Variants in UNK observed in about 807,000 individuals in gnomAD.
The protein encoded by UNK is unk zinc finger.
A neutral mutation model predicts 97.6 loss-of-function variants in UNK; 32 were observed. The observed-to-expected ratio is 0.33, with a 90% CI of 0.25 to 0.44. UNK has a LOEUF of 0.44. UNK is among the 20% of genes least tolerant of loss of function. The pLI, the probability that UNK is intolerant of heterozygous loss-of-function variation, is 1.00. For synonymous variants in UNK, 441 were observed against 461.2 expected, an observed-to-expected ratio of 0.96 and a Z score of 0.56; for missense variants, 771 against 1,098.4, an observed-to-expected ratio of 0.70 and a Z score of 4.21.
chr17:75,793,176 C>T (rs1459014997), intron 1 of UNK, among the ~76,000 whole-genome samples: 4 of 152,128 alleles, frequency 2.6e-5, no homozygotes. Context: ...TTAGCAATGC[C>T]TTCATAAGAT....
chr17:75,819,818 G>A lies in UNK; in HGVS notation c.1648+33G>A, dbSNP rs772075950. On this transcript the variant is annotated intron_variant, in intron 12 of 15. Coordinates refer to ENST00000589666, the MANE Select transcript of UNK (RefSeq NM_001080419.3). The surrounding 1 kb of genome is among the most constrained non-coding windows in gnomAD (Gnocchi z 5.4). ...GTGTGGGTGGGCAGGGCAGCCTGGA[G>A]GACTCCTCGGGTTCCTGCCTGGCTC... 1.6e-5 allele frequency: 25 copies of A among 1,612,528 alleles called. No homozygotes were observed. Among genetic ancestry groups the A allele is most frequent in the Non-Finnish European group, 2.1e-5 (25 of 1,179,246 alleles).
chr17:75,787,947 C>G (rs1194469170), intron 1 of UNK, among the ~76,000 whole-genome samples: 1 of 152,050 alleles, frequency 6.6e-6, no homozygotes, highest in Non-Finnish European at 1.5e-5. Context: ...ACCACCATAC[C>G]TGCTTCCCTC....
Position 75,801,923 on chromosome 17 carries a change from T to C in UNK, c.105-7837T>C, listed in dbSNP as rs776669503. ...GGAGTACAGTGGTGCGCTCAGCTCA[T>C]TGCAACCTCAACTTCCCTGGTTCAA... On this transcript the variant is annotated intron_variant, in intron 1 of 15. Transcript: ENST00000589666. Among the ~76,000 whole-genome samples, 10 of 150,888 alleles carry C rather than the reference T, an allele frequency of 6.6e-5. No homozygotes were observed. In the Middle Eastern group the frequency reaches 0.01, roughly 155 times the overall value.
At position 75,790,922 on chromosome 17, in the gene UNK, A is replaced by G. The variant is rs190152255; in HGVS notation, c.104+5938A>G. 3.1e-3 allele frequency among the ~76,000 whole-genome samples: 469 copies of G among 152,296 alleles called. 3 individuals are homozygous for G. The highest frequency in any genetic ancestry group is 0.011 in the African/African-American group (449 of 41,558). ...ACTACTACACTCCAGCCTGGGCAAC[A>G]GAGCGAGACTCTGGCTTGAAAAAAA... is the stretch of plus-strand genomic sequence containing the variant. On this transcript the variant is annotated intron_variant, in intron 1 of 15. Transcript: ENST00000589666.
Position 75,820,119 on chromosome 17 carries a change from G to C in UNK, c.1837+11G>C, listed in dbSNP as rs2143820821. The C allele has an allele frequency of 1.2e-6, 2 of 1,601,718 alleles. No homozygotes were observed. Among genetic ancestry groups the C allele is most frequent in the East Asian group, 2.2e-5 (1 of 44,744 alleles). Reference sequence around the variant, plus strand: ...CACATGGATCTTTGGGTAAGAGAGGGAGTGGTTCACTCAGGAGAACTGGGG... The same window carrying C: ...CACATGGATCTTTGGGTAAGAGAGGCAGTGGTTCACTCAGGAGAACTGGGG... On this transcript the variant is annotated intron_variant, in intron 13 of 15. Coordinates refer to ENST00000589666, the MANE Select transcript of UNK (RefSeq NM_001080419.3).
intron 1 of UNK, among the ~76,000 whole-genome samples, chr17:75,799,349 A>G (rs564175908): frequency 6.6e-6 from 1 of 152,306 alleles, no homozygotes; most frequent in Non-Finnish European, 1.5e-5. Context: ...CCCAGCACCA[A>G]TGACAAAAGA....
rs1388770261 is a variant in UNK at position 75,792,206 on chromosome 17, G to T, written c.104+7222G>T. ...TGACAGTAAGGTTGCATTTAAAGCT[G>T]CATTACATTAAATAGTGGACTGGTC... On this transcript the variant is annotated intron_variant, in intron 1 of 15. Transcript: ENST00000589666. 3.4e-6 allele frequency: 3 copies of T among 883,272 alleles called. No individual in the cohort carries two copies. In the South Asian group the frequency reaches 1.6e-4, roughly 46 times the overall value. 54.7% of individuals were successfully genotyped at this position (883,272 alleles called of 1,614,324 possible).
chr17:75,785,294 A>C, intron 1 of UNK: 3 of 290,382 alleles, frequency 1.0e-5, no homozygotes, highest in Non-Finnish European at 1.9e-5. Flanking sequence ...CCATAAAACC[A>C]CAGTAGTAGG....
At chr17:75,795,409 C>T (rs887493129) in intron 1 of UNK, among the ~76,000 whole-genome samples, 3 of 151,794 alleles carry the variant, frequency 2.0e-5, no homozygotes, top group Non-Finnish European at 4.4e-5. Context: ...GTGTGATCTC[C>T]GCTCACTGCA....
At chr17:75,823,548 G>C in intron 15 of UNK, 26 bp downstream of exon 15, 1 of 1,515,112 alleles carries the variant, frequency 6.6e-7, no homozygotes. Context: ...GGAGCACTGG[G>C]TGGGATGCAC....
intron 1 of UNK, 38 bp downstream of exon 1, chr17:75,785,022 C>G: frequency 1.4e-6 from 2 of 1,387,904 alleles, no homozygotes; most frequent in Non-Finnish European, 1.9e-6. Flanking sequence ...CGCGCGCACG[C>G]CTGACGTCAG....
rs953872589 is a variant in UNK, at chr17:75,793,689, A to G, written c.104+8705A>G. ...ATTCTTTATTCACAGTTTGCTTTTC[A>G]TGTGCATAAGTTGACTCATTTGTTT... On this transcript the variant is annotated intron_variant, in intron 1 of 15. Coordinates refer to ENST00000589666, the MANE Select transcript of UNK (RefSeq NM_001080419.3). The G allele has an allele frequency of 7.1e-6, 7 of 985,202 alleles. No homozygotes were observed. In the Admixed American group the frequency reaches 2.5e-4, roughly 35 times the overall value. The allele number at this position is 985,202 out of a possible 1,614,324, so 61.0% of individuals were successfully genotyped here. A position where few individuals can be genotyped will look rare whatever the true frequency, so the allele number is the denominator to read the frequency against.
chr17:75,822,745 G>C, intron 14 of UNK, 87 bp downstream of exon 14: 1 of 1,379,988 alleles, frequency 7.2e-7, no homozygotes, highest in East Asian at 2.7e-5. Flanking sequence ...CGTGGGGTGG[G>C]GGAAAGCGGG....
At chr17:75,811,215 G>A (rs1255744514) in intron 2 of UNK, among the ~76,000 whole-genome samples, 3 of 152,198 alleles carry the variant, frequency 2.0e-5, no homozygotes, top group Non-Finnish European at 4.4e-5. Flanking sequence ...CCTCCCACAA[G>A]TGTTGGGATT....
chr17:75,813,360 T>C lies in UNK; in HGVS notation c.758+147T>C, dbSNP rs571102843. On this transcript the variant is annotated intron_variant, in intron 5 of 15. Transcript: ENST00000589666. ...CAAGCCCAGGGCCCAGGGGAGGGCA[T>C]AGTGAGGATAGCTGGACAGTAGGAG... 52 of 1,178,044 alleles carry C rather than the reference T, an allele frequency of 4.4e-5. No individual in the cohort carries two copies. The African/African-American group carries it at 7.4e-4, about 17-fold the overall frequency. 73.0% of individuals were successfully genotyped at this position (1,178,044 alleles called of 1,614,324 possible). A position where few individuals can be genotyped will look rare whatever the true frequency, so the allele number is the denominator to read the frequency against.
At chr17:75,814,489 CA>C (rs59234903) in intron 6 of UNK, among the ~76,000 whole-genome samples, 1,374 of 69,952 alleles carry the variant, frequency 0.02, 12 homozygotes, top group African/African-American at 0.076. Context: ...GAGACTCCAT[CA>C]AAAAAAAAAA....
At position 75,817,273 on chromosome 17, in the gene UNK, G is replaced by A. The variant is rs1000911351; in HGVS notation, c.1105-53G>A. 4.0e-5 allele frequency: 60 copies of A among 1,494,200 alleles called. No homozygotes were observed. In the African/African-American group the frequency reaches 4.2e-4, roughly 10 times the overall value. The allele number at this position is 1,494,200 out of a possible 1,614,324, so 92.6% of individuals were successfully genotyped here. On this transcript the variant is annotated intron_variant, in intron 8 of 15. Transcript: ENST00000589666. This position sits in a 1 kb window ranked among gnomAD's most constrained non-coding sequence, Gnocchi z 5.8. ...CTGGAGAGGGTGGAGGATGGGCCACGCACCAGCCTGCGCTGTGCCCACGGG... is the reference window on the plus strand; with the variant it reads ...CTGGAGAGGGTGGAGGATGGGCCACACACCAGCCTGCGCTGTGCCCACGGG...
At chr17:75,793,969 C>T in intron 1 of UNK, 5 of 985,264 alleles carry the variant, frequency 5.1e-6, no homozygotes, top group Non-Finnish European at 6.0e-6. Context: ...AAGAACATTA[C>T]TATACGTTTC....
At position 75,817,594 on chromosome 17, in the gene UNK, G is replaced by T; in HGVS notation, c.1305+68G>T. ...CGTGGGGCAAGAGAATCTTGGAGGA[G>T]TGTCTTGGTCCAGCTACGGGGAGGA... On this transcript the variant is annotated intron_variant, in intron 9 of 15. Transcript: ENST00000589666. The surrounding 1 kb of genome is among the most constrained non-coding windows in gnomAD (Gnocchi z 5.8). The T allele has an allele frequency of 2.0e-6, 3 of 1,475,460 alleles. No homozygotes were observed. The highest frequency in any genetic ancestry group is 2.6e-5 in the South Asian group (2 of 75,856). 91.4% of individuals were successfully genotyped at this position (1,475,460 alleles called of 1,614,324 possible). A position where few individuals can be genotyped will look rare whatever the true frequency, so the allele number is the denominator to read the frequency against.
Sources: allele counts gnomAD v4.1 joint callset (sites outside exome capture counted in the v4.1 genomes callset), GRCh38; gene constraint gnomAD v4.1.1; non-coding constraint Gnocchi (gnomAD v3.1); transcripts MANE v1.5; gene names NCBI Gene and HGNC (gene_info 2026-07-23, HGNC 2026-07-21).